The following RAD51B variants were observed in gnomAD, a reference collection of about 807,000 sequenced individuals.
RAD51B encodes DNA repair protein RAD51 homolog 2.
In RAD51B, 38 loss-of-function variants were observed where a neutral mutation model predicts 42.2. The observed-to-expected ratio is 0.90, with a 90% CI of 0.70 to 1.18. The LOEUF (loss-of-function observed/expected upper bound fraction) is 1.18, where lower values mean the gene tolerates loss of function less well. Among genes scored for constraint, RAD51B ranks in the 50% most tolerant of loss-of-function variants. RAD51B has a pLI of 0.00. For synonymous variants in RAD51B, 154 were observed against 145.2 expected (o/e 1.06, Z -0.43); for missense variants, 373 against 400.7 (o/e 0.93, Z 0.59).
At chr14:67,862,702 A>G (rs2139982369) in intron 4 of RAD51B, among the ~76,000 whole-genome samples, 1 of 152,298 alleles carries the variant, frequency 6.6e-6, no homozygotes, top group South Asian at 2.1e-4. Context: ...TGACATTTCA[A>G]TCACCGAATC....
At chr14:68,422,667 T>C (rs548048737) in intron 9 of RAD51B, among the ~76,000 whole-genome samples, 1 of 152,216 alleles carries the variant, frequency 6.6e-6, no homozygotes, top group Non-Finnish European at 1.5e-5. Context: ...AGCATTCTGT[T>C]TGACTTTATG....
intron 9 of RAD51B, among the ~76,000 whole-genome samples, chr14:68,424,066 A>C (rs1456428564): frequency 1.3e-5 from 2 of 152,202 alleles, no homozygotes; most frequent in Non-Finnish European, 2.9e-5. Context: ...CATCTTGCCC[A>C]CAGTGGGGAT....
At position 68,562,586 on chromosome 14, in the gene RAD51B, G is replaced by C. The variant is rs193267357; in HGVS notation, c.1037-31899G>C. The C allele has an allele frequency of 2.0e-4, 202 of 985,424 alleles. No homozygotes were observed. In the East Asian group the frequency reaches 0.015, roughly 75 times the overall value. The allele number at this position is 985,424 out of a possible 1,614,324, so 61.0% of individuals were successfully genotyped here. A position where few individuals can be genotyped will look rare whatever the true frequency, so the allele number is the denominator to read the frequency against. On this transcript the variant is annotated intron_variant, in intron 10 of 10. Coordinates refer to the RAD51B transcript ENST00000487270. ...TCCTTTTGTGTACTGTGCAGTCTTA[G>C]GAGTAATGAGGCAGCAATATTATTG...
Position 68,126,239 on chromosome 14 carries a change from G to T in RAD51B, c.757-165645G>T, listed in dbSNP as rs180697794. Among the ~76,000 whole-genome samples the T allele has an allele frequency of 3.3e-4, 50 of 152,102 alleles. 1 individual carries two copies. The highest frequency in any genetic ancestry group is 6.8e-3 in the Middle Eastern group (2 of 294). On this transcript the variant is annotated intron_variant, in intron 7 of 10. Coordinates refer to ENST00000471583, the MANE Select transcript of RAD51B (RefSeq NM_133510.4). ...CTTTTAAATATTCGTATTCATAATA[G>T]CACTTCCCTTAGTTTATGTAGCCTT... is the stretch of plus-strand genomic sequence containing the variant.
At chr14:68,392,701 C>G (rs2083792998) in intron 8 of RAD51B, among the ~76,000 whole-genome samples, 1 of 151,730 alleles carries the variant, frequency 6.6e-6, no homozygotes. Flanking sequence ...CCTGAAAGAT[C>G]CTATAATCTA....
chr14:68,667,781 A>G, intron 11 of RAD51B, among the ~76,000 whole-genome samples: 1 of 152,136 alleles, frequency 6.6e-6, no homozygotes, highest in Non-Finnish European at 1.5e-5. Flanking sequence ...TATTTATTAT[A>G]TCTCCATTGG....
chr14:68,171,150 G>A (rs1174324772), intron 7 of RAD51B, among the ~76,000 whole-genome samples: 2 of 152,108 alleles, frequency 1.3e-5, no homozygotes, highest in African/African-American at 4.8e-5. Context: ...TCTTTTTCTT[G>A]AAGAATTTCT....
At chr14:68,000,937 A>G (rs2140310279) in intron 7 of RAD51B, among the ~76,000 whole-genome samples, 1 of 152,308 alleles carries the variant, frequency 6.6e-6, no homozygotes, top group East Asian at 1.9e-4. Context: ...TCGAATTCAT[A>G]AATTGGGGAG....
rs144102246 is a variant in RAD51B, at chr14:68,003,878, T to C, written c.756+116674T>C. The stretch of plus-strand genomic sequence containing the variant: ...ACGGATGAAGCCTACTTGATTGTGG[T>C]GGATAAACTTTTTGATGTGCTGCTG... On this transcript the variant is annotated intron_variant, in intron 7 of 10. Coordinates refer to ENST00000471583, the MANE Select transcript of RAD51B (RefSeq NM_133510.4). Among the ~76,000 whole-genome samples, 1,130 of 152,286 alleles carry C rather than the reference T, an allele frequency of 7.4e-3. 6 individuals are homozygous for C. Among genetic ancestry groups the C allele is most frequent in the Non-Finnish European group, 0.012 (805 of 68,018 alleles).
chr14:68,067,490 A>C (rs1226705907), intron 7 of RAD51B, among the ~76,000 whole-genome samples: 1 of 150,970 alleles, frequency 6.6e-6, no homozygotes, highest in East Asian at 1.9e-4. Context: ...AAAAAAAAAA[A>C]CAGGAAAAGA....
At chr14:68,105,736 A>G (rs1449616180) in intron 7 of RAD51B, among the ~76,000 whole-genome samples, 1 of 152,022 alleles carries the variant, frequency 6.6e-6, no homozygotes, top group East Asian at 1.9e-4. Context: ...CTTTTATTAT[A>G]GTAAGAAAAG....
chr14:67,895,796 T>G (rs549942930), intron 7 of RAD51B, among the ~76,000 whole-genome samples: 1 of 152,182 alleles, frequency 6.6e-6, no homozygotes, highest in Non-Finnish European at 1.5e-5. Context: ...CTGTGCAGGC[T>G]GCTGGTATAC....
intron 10 of RAD51B, among the ~76,000 whole-genome samples, chr14:68,617,029 A>G (rs1015807454): frequency 1.3e-5 from 2 of 151,730 alleles, no homozygotes; most frequent in East Asian, 3.9e-4. Context: ...CTGTCTGTTC[A>G]TTCTGTCTTT....
chr14:68,321,187 A>G (rs566597988), intron 8 of RAD51B, among the ~76,000 whole-genome samples: 32 of 152,282 alleles, frequency 2.1e-4, no homozygotes, highest in Admixed American at 1.7e-3. Context: ...AACTAGGGGG[A>G]AAAAGCCATA....
intron 7 of RAD51B, among the ~76,000 whole-genome samples, chr14:68,232,288 G>A (rs998050105): frequency 4.6e-5 from 7 of 152,114 alleles, no homozygotes; most frequent in African/African-American, 1.7e-4. Context: ...GATGAAATAA[G>A]GAGCAGTGGC....
intron 10 of RAD51B, among the ~76,000 whole-genome samples, chr14:68,568,785 G>A (rs1313073862): frequency 2.0e-5 from 3 of 151,922 alleles, no homozygotes; most frequent in South Asian, 4.1e-4. Flanking sequence ...CTTCTTCCTC[G>A]TCCTCCCTTT....
At chr14:68,238,797 A>G (rs904181694) in intron 7 of RAD51B, among the ~76,000 whole-genome samples, 1 of 152,198 alleles carries the variant, frequency 6.6e-6, no homozygotes, top group Non-Finnish European at 1.5e-5. Flanking sequence ...ACTGGTTAAC[A>G]ATTCAGATTC....
intron 10 of RAD51B, among the ~76,000 whole-genome samples, chr14:68,557,556 A>G (rs1403489430): frequency 6.6e-6 from 1 of 152,372 alleles, no homozygotes; most frequent in Non-Finnish European, 1.5e-5. Context: ...TAGACTTACA[A>G]TGGTGCTGTG....
intron 4 of RAD51B, among the ~76,000 whole-genome samples, chr14:67,853,594 A>T (rs1402088100): frequency 6.6e-6 from 1 of 152,222 alleles, no homozygotes; most frequent in African/African-American, 2.4e-5. Flanking sequence ...TGCATTGCAC[A>T]GTCTTTGTTT....
Sources: allele counts gnomAD v4.1 joint callset (sites outside exome capture counted in the v4.1 genomes callset), GRCh38; gene constraint gnomAD v4.1.1; transcripts MANE v1.5; gene names NCBI Gene and HGNC (gene_info 2026-07-23, HGNC 2026-07-21).